Variants in MUS81 observed in about 807,000 individuals in gnomAD.
MUS81 encodes the protein structure-specific endonuclease subunit MUS81.
MUS81 carries 69 observed loss-of-function variants against 74.2 expected under a neutral mutation model. The ratio of observed to expected loss-of-function variants is 0.93; its 90% CI spans 0.77 to 1.14. The LOEUF (loss-of-function observed/expected upper bound fraction) is 1.14, where lower values mean the gene tolerates loss of function less well. MUS81 is among the 50% of genes most tolerant of loss of function. The pLI is 0.00. For synonymous variants in MUS81, 303 were observed against 300.6 expected (o/e 1.01, Z -0.08); for missense variants, 711 against 726.5 (o/e 0.98, Z 0.25).
In MUS81 at chr11:65,865,473, TG is replaced by T; in HGVS notation, c.1505+154del. The T allele has an allele frequency of 4.8e-6, 4 of 829,620 alleles. No homozygotes were observed. In the South Asian group the frequency reaches 5.4e-5, roughly 11 times the overall value. 51.4% of individuals were successfully genotyped at this position (829,620 alleles called of 1,614,324 possible). A position where few individuals can be genotyped will look rare whatever the true frequency, so the allele number is the denominator to read the frequency against. On this transcript the variant is annotated intron_variant, in intron 14 of 15. Coordinates refer to ENST00000308110, the MANE Select transcript of MUS81 (RefSeq NM_025128.5). ...TCCCAGGGTGCTCGTGGAGGTCAAG[TG>T]GGGAGGAAGCCAGCAGGCCCACATA...
intron 6 of MUS81, 21 bp from the exon 7 acceptor site, chr11:65,863,044 G>A (rs769618202): frequency 6.2e-7 from 1 of 1,613,798 alleles, no homozygotes; most frequent in Non-Finnish European, 8.5e-7. Flanking sequence ...GTAGAGCTGT[G>A]TTGTCCCCTC....
rs1443850210 is a variant in MUS81, at chr11:65,865,832, C to G, written c.1527C>G (p.Ala509=). ...CCAGCCTCCTGGCCGCCTATGATGC[C>G]TGTGCCACCCCCAAGGAACAAGAGA... The part of the protein sequence containing the change: ...TPASLLAAYD[A]CATPKEQETL... The change falls in exon 15 of 16, where the codon GCC becomes GCG. Residue 509 remains alanine, a synonymous_variant. Transcript: ENST00000308110. 3.7e-6 allele frequency: 6 copies of G among 1,613,954 alleles called. No individual in the cohort carries two copies. In the Admixed American group the frequency reaches 6.7e-5, roughly 18 times the overall value.
rs1008309415 is a variant in MUS81, at chr11:65,865,403, G to C, written c.1505+80G>C. 7.1e-6 allele frequency: 10 copies of C among 1,408,874 alleles called. No homozygotes were observed. In the African/African-American group the frequency reaches 1.3e-4, roughly 18 times the overall value. 87.3% of individuals were successfully genotyped at this position (1,408,874 alleles called of 1,614,324 possible). A position where few individuals can be genotyped will look rare whatever the true frequency, so the allele number is the denominator to read the frequency against. ...TTCACCTTAATCCATGCTTCGTGGA[G>C]GGGGCCTGGCCTTGTGTGGGCTCTG... On this transcript the variant is annotated intron_variant, in intron 14 of 15. Transcript: ENST00000308110.
chr11:65,865,815 C>T lies in MUS81; in HGVS notation c.1510C>T (p.Leu504=). 1 of 1,613,980 alleles carries T rather than the reference C, an allele frequency of 6.2e-7. No individual in the cohort carries two copies. Among genetic ancestry groups the T allele is most frequent in the South Asian group, 1.1e-5 (1 of 91,070 alleles). Residue 504 remains leucine, a synonymous_variant, in exon 15 of 16, where the codon CTG becomes TTG. Transcript: ENST00000308110. The stretch of plus-strand genomic sequence containing the variant: ...ACTCAAACCCCTGCCCCCCAGCCTC[C>T]TGGCCGCCTATGATGCCTGTGCCAC... ...VDRYSTPASL[L]AAYDACATPK...
Position 65,864,549 on chromosome 11 carries a change from A to G in MUS81, c.1112A>G (p.His371Arg). The G allele has an allele frequency of 1.2e-6, 2 of 1,614,158 alleles. No homozygotes were observed. Among genetic ancestry groups the G allele is most frequent in the Non-Finnish European group, 1.7e-6 (2 of 1,180,026 alleles). Reference sequence around the variant, plus strand: ...CGCCGGGTATACCTGGTGGAAGAGCATGGTTCCGTCCACAACCTCAGCCTT... The same window carrying G: ...CGCCGGGTATACCTGGTGGAAGAGCGTGGTTCCGTCCACAACCTCAGCCTT... ...LERRVYLVEEHGSVHNLSLPE... is the reference protein window; with the variant it reads ...LERRVYLVEERGSVHNLSLPE... The change falls in exon 11 of 16, where the codon CAT becomes CGT. Residue 371 changes from histidine to arginine, a missense_variant. Physicochemically the swap from His to Arg is conservative, Grantham distance 29. Coordinates refer to ENST00000308110, the MANE Select transcript of MUS81 (RefSeq NM_025128.5).
intron 10 of MUS81, 125 bp from the exon 11 acceptor site, chr11:65,864,372 G>T: frequency 1.2e-6 from 1 of 810,238 alleles, no homozygotes; most frequent in Admixed American, 1.9e-5. Flanking sequence ...GGAGAGGCTA[G>T]GGAGGATGCA....
chr11:65,864,509 C>T lies in MUS81; in HGVS notation c.1072C>T (p.Arg358Cys), dbSNP rs776997076. ...RFREQKFRLK[R>C]CGLERRVYLV... The stretch of plus-strand genomic sequence containing the variant: ...TACACTTCCCTAGTTCCGGCTGAAG[C>T]GCTGTGGTCTGGAGCGCCGGGTATA... The change falls in exon 11 of 16, where the codon CGC (arginine) becomes TGC (cysteine). Residue 358 changes from arginine (R) to cysteine (C), a missense_variant. Arg to Cys is a radical substitution (Grantham distance 180). Transcript: ENST00000308110. 1.5e-5 allele frequency: 24 copies of T among 1,613,944 alleles called. No individual in the cohort carries two copies. The highest frequency in any genetic ancestry group is 1.6e-4 in the Middle Eastern group (1 of 6,084).
chr11:65,866,879 G>T, downstream of MUS81: 1 of 1,612,712 alleles, frequency 6.2e-7, no homozygotes. Context: ...AGGCTCCTCA[G>T]CTAGGGTAGC....
At chr11:65,865,192 C>G in intron 13 of MUS81, 28 bp from the exon 14 acceptor site, 1 of 1,614,138 alleles carries the variant, frequency 6.2e-7, no homozygotes, top group South Asian at 1.1e-5. Flanking sequence ...CCCAGACCCC[C>G]ACTGATCCAG....
At chr11:65,867,173 G>T, downstream of MUS81, 1 of 1,523,828 alleles carries the variant, frequency 6.6e-7, no homozygotes, top group Non-Finnish European at 9.0e-7. Flanking sequence ...TGGCCGTGAG[G>T]CAGAGGAACA....
chr11:65,859,989 G>A (rs1158743033), upstream of MUS81: 2 of 245,298 alleles, frequency 8.2e-6, no homozygotes, highest in Non-Finnish European at 1.8e-5. Context: ...CTTACTTACA[G>A]TCCTCCTTCC....
intron 14 of MUS81, 156 bp from the exon 15 acceptor site, chr11:65,865,655 C>T: frequency 1.3e-6 from 1 of 776,054 alleles, no homozygotes; most frequent in Non-Finnish European, 2.1e-6. Context: ...GGAGGGAGGA[C>T]AGCCCGGCTG....
chr11:65,862,477 C>A lies in MUS81; in HGVS notation c.553C>A (p.Leu185Ile), dbSNP rs780716342. The A allele has an allele frequency of 6.2e-7, 1 of 1,613,862 alleles. No individual in the cohort carries two copies. Among genetic ancestry groups the A allele is most frequent in the Non-Finnish European group, 8.5e-7 (1 of 1,179,976 alleles). The change falls in exon 6 of 16, where the codon CTC becomes ATC. Residue 185 changes from leucine (L) to isoleucine (I), a missense_variant. Coordinates refer to ENST00000308110, the MANE Select transcript of MUS81 (RefSeq NM_025128.5). Reference protein sequence around the residue: ...APGSARPWPALRSLLHRNLVL... With the variant: ...APGSARPWPAIRSLLHRNLVL... ...TGGGAGTGCTCGACCCTGGCCAGCC[C>A]TCCGCTCCCTCCTTCACAGGAACCT...
At position 65,862,515 on chromosome 11, in the gene MUS81, A is replaced by G. The variant is rs1218228144; in HGVS notation, c.591A>G (p.Thr197=). The G allele has an allele frequency of 6.2e-7, 1 of 1,613,626 alleles. No individual in the cohort carries two copies. Among genetic ancestry groups the G allele is most frequent in the Non-Finnish European group, 8.5e-7 (1 of 1,179,952 alleles). ...TTCACAGGAACCTGGTCCTCAGGAC[A>G]CACCAGCCAGCCAGGTGGGGCCAAC... is the stretch of plus-strand genomic sequence containing the variant. ...SLLHRNLVLR[T]HQPARYSLTP... is the part of the protein sequence containing the mutation. Residue 197 remains threonine (T), a synonymous_variant, in exon 6 of 16, where the codon ACA becomes ACG. Transcript: ENST00000308110.
chr11:65,865,779 C>A, intron 14 of MUS81, 32 bp from the exon 15 acceptor site: 1 of 1,609,194 alleles, frequency 6.2e-7, no homozygotes, highest in South Asian at 1.1e-5. Flanking sequence ...GGGCCACTGT[C>A]AGCCTCAGAA....
At position 65,863,114 on chromosome 11, in the gene MUS81, T is replaced by C; in HGVS notation, c.655T>C (p.Ser219Pro). ...GLELAQKLAE[S>P]EGLSLLNVGI... ...GGAGCTGGCCCAGAAGTTGGCCGAG[T>C]CAGAAGGCCTGAGCTTGCTGAATGT... The change falls in exon 7 of 16, where the codon TCA (serine) becomes CCA (proline). Residue 219 changes from serine to proline, a missense_variant. By Grantham distance (74) the Ser-to-Pro change is moderately conservative. Coordinates refer to ENST00000308110, the MANE Select transcript of MUS81 (RefSeq NM_025128.5). 6.2e-7 allele frequency: 1 copy of C among 1,613,922 alleles called. No individual in the cohort carries two copies. The highest frequency in any genetic ancestry group is 8.5e-7 in the Non-Finnish European group (1 of 1,179,958).
At position 65,861,174 on chromosome 11, in the gene MUS81, C is replaced by T; in HGVS notation, c.265+72C>T. 3 of 1,604,104 alleles carry T rather than the reference C, an allele frequency of 1.9e-6. No homozygotes were observed. In the South Asian group the frequency reaches 3.3e-5, roughly 18 times the overall value. ...GGAGCCTCCGTACTCTCCTGGGAGC[C>T]CTTGGCTTTTAAGCTCCCCACTCCT... On this transcript the variant is annotated intron_variant, in intron 2 of 15. Coordinates refer to ENST00000308110, the MANE Select transcript of MUS81 (RefSeq NM_025128.5).
chr11:65,860,817 G>C lies in MUS81; in HGVS notation c.64G>C (p.Val22Leu). 1 of 1,548,396 alleles carries C rather than the reference G, an allele frequency of 6.5e-7. No individual in the cohort carries two copies. The highest frequency in any genetic ancestry group is 8.7e-7 in the Non-Finnish European group (1 of 1,149,410). ...PLPACPNPLFVRWLTEWRDEA... is the reference protein window; with the variant it reads ...PLPACPNPLFLRWLTEWRDEA... ...GCCTGCCTGTCCCAACCCGCTCTTC[G>C]TTCGCTGGCTGACCGAGTGGCGGGA... Residue 22 changes from valine (V) to leucine (L), a missense_variant, in exon 1 of 16, where the codon GTT (valine) becomes CTT (leucine). Transcript: ENST00000308110.
At chr11:65,864,103 G>A (rs1338032518) in intron 10 of MUS81, 3 of 617,788 alleles carry the variant, frequency 4.9e-6, no homozygotes, top group Non-Finnish European at 8.6e-6. Flanking sequence ...CTGCATTCTT[G>A]GGCTGAGGTC....
Sources: gnomAD v4.1 joint callset for allele counts on GRCh38, gnomAD v4.1.1 for gene constraint, MANE v1.5 for transcripts, NCBI Gene and HGNC (gene_info 2026-07-23, HGNC 2026-07-21) for gene names.